Variants in MICU1 observed in about 807,000 individuals in gnomAD.
The protein encoded by MICU1 is calcium uptake protein 1, mitochondrial.
In MICU1, 45 loss-of-function variants were observed where a neutral mutation model predicts 56.8. That is an observed-to-expected ratio of 0.79 (90% CI 0.62 to 1.02). The LOEUF is 1.02. Ranked by LOEUF, MICU1 falls within the 50% of genes least tolerant of loss-of-function variation. MICU1 has a pLI of 0.00. For synonymous variants in MICU1, 186 were observed against 195.1 expected (o/e 0.95, Z 0.39); for missense variants, 504 against 587.1 (o/e 0.86, Z 1.46).
At chr10:72,438,228 C>A (rs1050732474) in intron 8 of MICU1, among the ~76,000 whole-genome samples, 5 of 152,194 alleles carry the variant, frequency 3.3e-5, no homozygotes, top group African/African-American at 1.2e-4. Flanking sequence ...CAAATTAGAA[C>A]TCAGGATTAA....
intron 4 of MICU1, among the ~76,000 whole-genome samples, chr10:72,544,416 T>C (rs1235785103): frequency 6.6e-6 from 1 of 152,128 alleles, no homozygotes; most frequent in Non-Finnish European, 1.5e-5. Flanking sequence ...TAAATCACAA[T>C]ATGATCTGTG....
chr10:72,623,884 A>C (rs1037495197), intron 1 of MICU1, among the ~76,000 whole-genome samples: 1 of 115,804 alleles, frequency 8.6e-6, no homozygotes, highest in Non-Finnish European at 2.0e-5. Flanking sequence ...GCTGAACCCC[A>C]TCTCCATTTA....
rs915432 is a variant in MICU1 at position 72,475,059 on chromosome 10, T to A, written c.933+41A>T. On this transcript the variant is annotated intron_variant, in intron 8 of 11. Transcript: ENST00000361114. ...TAGTACAGGCCCTCCTGCCCATCAG[T>A]TCCACATGTGATGGATCTACTGAGT... The A allele has an allele frequency of 7.0e-5, 108 of 1,552,084 alleles. No homozygotes were observed. The East Asian group carries it at 2.2e-3, about 31-fold the overall frequency.
At chr10:72,377,611 T>A (rs533654555) in intron 10 of MICU1, among the ~76,000 whole-genome samples, 1 of 152,284 alleles carries the variant, frequency 6.6e-6, no homozygotes, top group Admixed American at 6.5e-5. Context: ...CACTGCCTTC[T>A]CTCTCATTTA....
rs990034818 is a variant in MICU1, at chr10:72,623,709, C to T, written c.-2+2301G>A. ...TACAAAAATTAGCCAGATGTGGTGC[C>T]GCGCCTGTAGTTCCAGCTACTTCGG... is the stretch of plus-strand genomic sequence containing the variant. On this transcript the variant is annotated intron_variant, in intron 1 of 11. Transcript: ENST00000361114. 3.9e-5 allele frequency among the ~76,000 whole-genome samples: 6 copies of T among 152,134 alleles called. No individual in the cohort carries two copies. In the South Asian group the frequency reaches 6.2e-4, roughly 16 times the overall value.
chr10:72,524,061 G>A (rs1279671174), intron 5 of MICU1: 1 of 1,046,316 alleles, frequency 9.6e-7, no homozygotes, highest in Non-Finnish European at 1.2e-6. Flanking sequence ...TTAACTTGAA[G>A]TTACTGTTGT....
intron 6 of MICU1, among the ~76,000 whole-genome samples, chr10:72,489,290 TCACACACA>T (rs67070756): frequency 2.8e-4 from 40 of 141,638 alleles, no homozygotes; most frequent in Middle Eastern, 3.4e-3. Context: ...CGAGACTCTG[TCACACACA>T]CACACACACA....
At chr10:72,474,967 T>G in intron 8 of MICU1, 133 bp downstream of exon 8, 1 of 709,794 alleles carries the variant, frequency 1.4e-6, no homozygotes, top group Admixed American at 3.2e-5. Context: ...GCTGTCAGTT[T>G]ATAAAGCACT....
rs761898190 is a variant in MICU1 at position 72,538,797 on chromosome 10, T to C, written c.494-5008A>G. On this transcript the variant is annotated intron_variant, in intron 4 of 11. Coordinates refer to ENST00000361114, the MANE Select transcript of MICU1 (RefSeq NM_001195518.2). ...GTCTAAATTCTCCAATTAAAAAACATAGAATGGCTGAATAAATTTTTTTTA... is the reference window on the plus strand; with the variant it reads ...GTCTAAATTCTCCAATTAAAAAACACAGAATGGCTGAATAAATTTTTTTTA... Among the ~76,000 whole-genome samples, 15 of 152,104 alleles carry C rather than the reference T, an allele frequency of 9.9e-5. No individual in the cohort carries two copies. In the South Asian group the frequency reaches 1.2e-3, roughly 13 times the overall value.
chr10:72,564,115 A>G (rs1840366515), intron 2 of MICU1, among the ~76,000 whole-genome samples: 1 of 152,228 alleles, frequency 6.6e-6, no homozygotes, highest in African/African-American at 2.4e-5. Context: ...CAAAAAGAAG[A>G]CTTTTGCTTA....
In MICU1 at chr10:72,553,470, T is replaced by C. The variant is rs532003525; in HGVS notation, c.331-2129A>G. ...GGATGGTCTTGATCTCCAGACCTCA[T>C]GATCCGCCTGCCTTGGCCTCCCAAA... On this transcript the variant is annotated intron_variant, in intron 3 of 11. Transcript: ENST00000361114. Among the ~76,000 whole-genome samples the C allele has an allele frequency of 9.8e-5, 15 of 152,286 alleles. No homozygotes were observed. The South Asian group carries it at 3.1e-3, about 32-fold the overall frequency.
chr10:72,565,843 A>G (rs1840419144), intron 2 of MICU1, among the ~76,000 whole-genome samples: 1 of 152,014 alleles, frequency 6.6e-6, no homozygotes, highest in Admixed American at 6.6e-5. Context: ...AATAAAAAAC[A>G]GAGAGTGACA....
intron 5 of MICU1, among the ~76,000 whole-genome samples, chr10:72,511,388 T>TAAA (rs980991521): frequency 2.7e-4 from 41 of 152,272 alleles, no homozygotes; most frequent in African/African-American, 9.6e-4. Context: ...TTGGAAAACA[T>TAAA]AAAAATTCTT....
intron 4 of MICU1, among the ~76,000 whole-genome samples, chr10:72,544,211 C>G (rs865805435): frequency 3.9e-5 from 6 of 152,264 alleles, no homozygotes; most frequent in African/African-American, 1.2e-4. Flanking sequence ...CACACAGACC[C>G]CCTTAGAGTT....
chr10:72,542,952 T>C (rs759951331), intron 4 of MICU1, among the ~76,000 whole-genome samples: 12 of 152,250 alleles, frequency 7.9e-5, no homozygotes, highest in Non-Finnish European at 1.6e-4. Flanking sequence ...TGTCTCTGGC[T>C]GGACTCTTCA....
chr10:72,482,525 T>C (rs1866332897), intron 6 of MICU1, among the ~76,000 whole-genome samples: 1 of 152,152 alleles, frequency 6.6e-6, no homozygotes, highest in African/African-American at 2.4e-5. Flanking sequence ...AGCCTCTGAT[T>C]ATTTCTGAGG....
chr10:72,504,189 C>A (rs946076887), intron 6 of MICU1, among the ~76,000 whole-genome samples: 2 of 151,892 alleles, frequency 1.3e-5, no homozygotes, highest in African/African-American at 2.4e-5. Context: ...CAATCCTAAG[C>A]GAAAAGAGGA....
At chr10:72,374,999 C>T (rs948694213) in intron 11 of MICU1, among the ~76,000 whole-genome samples, 63 of 151,350 alleles carry the variant, frequency 4.2e-4, no homozygotes, top group African/African-American at 1.3e-3. Context: ...TTAATAGAGA[C>T]GGGGTTTCAC....
At position 72,477,405 on chromosome 10, in the gene MICU1, C is replaced by A. The variant is rs559476465; in HGVS notation, c.653-149G>T. 9.1e-6 allele frequency: 11 copies of A among 1,213,500 alleles called. No individual in the cohort carries two copies. The African/African-American group carries it at 1.1e-4, about 12-fold the overall frequency. 75.2% of individuals were successfully genotyped at this position (1,213,500 alleles called of 1,614,324 possible). A position where few individuals can be genotyped will look rare whatever the true frequency, so the allele number is the denominator to read the frequency against. ...AAGTCTCAATAAATGGAAAATGAAA[C>A]TGCATTTATTGAGATCACCCTTTTA... On this transcript the variant is annotated intron_variant, in intron 6 of 11. Transcript: ENST00000361114.
Sources: gnomAD v4.1 joint callset for allele counts (sites outside exome capture counted in the v4.1 genomes callset) on GRCh38, gnomAD v4.1.1 for gene constraint, MANE v1.5 for transcripts, NCBI Gene and HGNC (gene_info 2026-07-23, HGNC 2026-07-21) for gene names.